OR2L13: variants seen among roughly 807,000 people sequenced by gnomAD.
The protein encoded by OR2L13 is olfactory receptor family 2 subfamily L member 13, also known as olfactory receptor 2L13.
A neutral mutation model predicts 15.3 loss-of-function variants in OR2L13; 14 were observed. The observed-to-expected ratio is 0.91, with a 90% CI of 0.60 to 1.43. The LOEUF is 1.43. OR2L13 is among the 40% of genes most tolerant of loss of function. The pLI is 0.00. For synonymous variants in OR2L13, 152 were observed against 142.9 expected, an observed-to-expected ratio of 1.06 and a Z score of -0.45; for missense variants, 367 against 387.9, an observed-to-expected ratio of 0.95 and a Z score of 0.45.
chr1:248,072,220 T>C, the OR2L13 span, among the ~76,000 whole-genome samples: 1 of 152,104 alleles, frequency 6.6e-6, no homozygotes, highest in Admixed American at 6.6e-5. Flanking sequence ...CTACCTGACT[T>C]CAAACTATAC....
At chr1:248,052,542 C>T in the OR2L13 span, among the ~76,000 whole-genome samples, 1 of 152,064 alleles carries the variant, frequency 6.6e-6, no homozygotes, top group Non-Finnish European at 1.5e-5. Flanking sequence ...TGCTGGCTAA[C>T]ATGGTGAAAC....
chr1:247,977,383 A>G, the OR2L13 span, among the ~76,000 whole-genome samples: 1 of 152,192 alleles, frequency 6.6e-6, no homozygotes, highest in African/African-American at 2.4e-5. Flanking sequence ...TTCATTAATG[A>G]AACATATTTT....
the OR2L13 span, chr1:248,061,712 G>A: frequency 1.7e-6 from 2 of 1,182,086 alleles, no homozygotes. Context: ...TAGAGTTCAG[G>A]AGCTAAAAGT....
chr1:247,974,335 G>A, the OR2L13 span, among the ~76,000 whole-genome samples: 31 of 152,040 alleles, frequency 2.0e-4, no homozygotes, highest in Admixed American at 5.2e-4. Context: ...TTAAAACCTA[G>A]GTGATGGATT....
the OR2L13 span, among the ~76,000 whole-genome samples, chr1:248,017,404 T>C: frequency 6.6e-6 from 1 of 152,158 alleles, no homozygotes; most frequent in Non-Finnish European, 1.5e-5. Flanking sequence ...CCCTGAAACA[T>C]GAATAATCAA....
At chr1:247,965,862 T>A in the OR2L13 span, 1 of 1,613,878 alleles carries the variant, frequency 6.2e-7, no homozygotes, top group East Asian at 2.2e-5. Flanking sequence ...ATACATTGTA[T>A]GTGTTTCAGC....
At chr1:248,055,026 A>G in the OR2L13 span, among the ~76,000 whole-genome samples, 1 of 152,308 alleles carries the variant, frequency 6.6e-6, no homozygotes, top group East Asian at 1.9e-4. Flanking sequence ...TAATTTTCAA[A>G]GGGAATGCTT....
the OR2L13 span, among the ~76,000 whole-genome samples, chr1:248,065,412 C>CTT: frequency 0.025 from 3,689 of 146,510 alleles, 143 homozygotes; most frequent in African/African-American, 0.085. Context: ...GAGTATCTTT[C>CTT]TTTTTTTTTT....
chr1:248,057,847 G>A, the OR2L13 span, among the ~76,000 whole-genome samples: 1 of 152,086 alleles, frequency 6.6e-6, no homozygotes, highest in Non-Finnish European at 1.5e-5. Context: ...GTTGCATCCT[G>A]TAATTTTGCT....
chr1:248,017,294 CTT>C, the OR2L13 span, among the ~76,000 whole-genome samples: 5 of 152,292 alleles, frequency 3.3e-5, no homozygotes, highest in South Asian at 1.0e-3. Flanking sequence ...AAAATGTCCT[CTT>C]CACATTACTG....
the OR2L13 span, among the ~76,000 whole-genome samples, chr1:248,043,939 T>C: frequency 6.6e-6 from 1 of 152,298 alleles, no homozygotes; most frequent in African/African-American, 2.4e-5. Flanking sequence ...TAAAGAAAAA[T>C]TAAGAATGCC....
the OR2L13 span, among the ~76,000 whole-genome samples, chr1:248,028,497 T>C: frequency 7.2e-5 from 11 of 152,244 alleles, no homozygotes; most frequent in Non-Finnish European, 1.5e-5. Flanking sequence ...TTTAAAAATC[T>C]GTTTGACTTA....
chr1:247,979,424 T>C, the OR2L13 span, among the ~76,000 whole-genome samples: 6 of 152,150 alleles, frequency 3.9e-5, no homozygotes, highest in African/African-American at 1.4e-4. Context: ...TGGTTTTCTG[T>C]CCTTGTGATA....
chr1:247,965,662 G>A, the OR2L13 span: 1 of 1,545,706 alleles, frequency 6.5e-7, no homozygotes, highest in Non-Finnish European at 8.7e-7. Flanking sequence ...TAGATTTTTG[G>A]GCTGTGAGAT....
the OR2L13 span, among the ~76,000 whole-genome samples, chr1:248,079,914 C>T: frequency 0.15 from 22,967 of 152,042 alleles, 3,307 homozygotes; most frequent in African/African-American, 0.38. Context: ...AACAGCTCCA[C>T]TATGAATAAA....
chr1:248,029,724 A>G, the OR2L13 span, among the ~76,000 whole-genome samples: 1 of 152,218 alleles, frequency 6.6e-6, no homozygotes, highest in Non-Finnish European at 1.5e-5. Context: ...ACTCAGAAAG[A>G]AATTAATGTA....
At chr1:248,059,008 AATG>A in the OR2L13 span, among the ~76,000 whole-genome samples, 1 of 152,096 alleles carries the variant, frequency 6.6e-6, no homozygotes. Flanking sequence ...TCAGATAGCA[AATG>A]ATATTTATTT....
chr1:247,968,411 G>T, the OR2L13 span, among the ~76,000 whole-genome samples: 1 of 152,026 alleles, frequency 6.6e-6, no homozygotes. Context: ...TTGTTACATA[G>T]GTATACATAT....
chr1:248,003,918 C>A, the OR2L13 span: 8 of 1,612,820 alleles, frequency 5.0e-6, no homozygotes, highest in Admixed American at 5.0e-5. Context: ...CGTCCAAGAT[C>A]CCTGTAATCT....
Sources: allele counts gnomAD v4.1 joint callset (sites outside exome capture counted in the v4.1 genomes callset), GRCh38; gene constraint gnomAD v4.1.1; transcripts MANE v1.5; gene names NCBI Gene and HGNC (gene_info 2026-07-23, HGNC 2026-07-21).